SPOP: variants seen among roughly 807,000 people sequenced by gnomAD.
SPOP encodes the protein speckle-type POZ protein.
Under a neutral mutation model 45.6 loss-of-function variants are expected in SPOP, and 11 were observed. That is an observed-to-expected ratio of 0.24 (90% CI 0.15 to 0.40). The LOEUF is 0.40. SPOP is among the 10% of genes least tolerant of loss of function. SPOP has a pLI of 1.00. For missense variants in SPOP, 152 were observed against 465.6 expected (o/e 0.33, Z 6.20); for synonymous variants, 166 against 166.3 (o/e 1.00, Z 0.01).
intron 1 of SPOP, among the ~76,000 whole-genome samples, chr17:49,627,110 A>G (rs934206826): frequency 1.3e-5 from 2 of 152,180 alleles, no homozygotes; most frequent in African/African-American, 2.4e-5. Flanking sequence ...TGGCCTCCCA[A>G]AGTGCTGGGA....
intron 6 of SPOP, 37 bp downstream of exon 6, chr17:49,611,243 A>T: frequency 1.9e-6 from 3 of 1,589,956 alleles, no homozygotes; most frequent in Non-Finnish European, 2.6e-6. Context: ...TCCTTATTTC[A>T]CCAAAACTAT....
At chr17:49,652,378 A>G (rs2072854439) in intron 1 of SPOP, among the ~76,000 whole-genome samples, 1 of 152,214 alleles carries the variant, frequency 6.6e-6, no homozygotes, top group Non-Finnish European at 1.5e-5. Context: ...TCAATCAACC[A>G]TAAAAAATAT....
intron 1 of SPOP, among the ~76,000 whole-genome samples, chr17:49,654,578 A>G (rs2072883205): frequency 6.6e-6 from 1 of 152,054 alleles, no homozygotes; most frequent in African/African-American, 2.4e-5. Flanking sequence ...TGAGCTCAGG[A>G]GCTCCAGACC....
chr17:49,664,265 G>A (rs1191685364), intron 1 of SPOP, among the ~76,000 whole-genome samples: 1 of 152,084 alleles, frequency 6.6e-6, no homozygotes, highest in Non-Finnish European at 1.5e-5. Flanking sequence ...TGTTCTTTCA[G>A]GCCATATTTT....
At position 49,617,358 on chromosome 17, in the gene SPOP, C is replaced by T. The variant is rs544338840; in HGVS notation, c.480+1623G>A. Among the ~76,000 whole-genome samples the T allele has an allele frequency of 3.9e-5, 6 of 152,306 alleles. No individual in the cohort carries two copies. In the South Asian group the frequency reaches 1.2e-3, roughly 32 times the overall value. ...AACATCTAACCTCATGTAAAACCAA[C>T]TAAATTCTCATTTCTTCATTCAGGC... On this transcript the variant is annotated intron_variant, in intron 5 of 9. Coordinates refer to ENST00000504102, the MANE Select transcript of SPOP (RefSeq NM_001007228.2).
intron 1 of SPOP, among the ~76,000 whole-genome samples, chr17:49,632,426 T>C (rs2072468060): frequency 6.6e-6 from 1 of 152,094 alleles, no homozygotes; most frequent in African/African-American, 2.4e-5. Flanking sequence ...ATCCTGGTTA[T>C]AGAAGTACCA....
intron 1 of SPOP, among the ~76,000 whole-genome samples, chr17:49,651,197 A>G (rs74956994): frequency 0.1 from 15,490 of 152,264 alleles, 1,039 homozygotes; most frequent in East Asian, 0.29. Flanking sequence ...TTGGAATAGC[A>G]CAAGAAAGAT....
intron 1 of SPOP, among the ~76,000 whole-genome samples, chr17:49,675,007 T>A (rs970582054): frequency 6.6e-6 from 1 of 152,136 alleles, no homozygotes; most frequent in African/African-American, 2.4e-5. Flanking sequence ...TGATCAAAAA[T>A]TTTGATAATA....
At chr17:49,655,293 C>T (rs566882302) in intron 1 of SPOP, among the ~76,000 whole-genome samples, 5 of 152,188 alleles carry the variant, frequency 3.3e-5, no homozygotes, top group African/African-American at 7.2e-5. Flanking sequence ...GGGTGTATCA[C>T]GAGGTCAGGA....
At chr17:49,654,832 T>G (rs958375055) in intron 1 of SPOP, among the ~76,000 whole-genome samples, 1 of 152,178 alleles carries the variant, frequency 6.6e-6, no homozygotes, top group African/African-American at 2.4e-5. Flanking sequence ...CTGGTTTATT[T>G]TGTCAACTGT....
chr17:49,669,922 A>AT (rs35321066), intron 1 of SPOP, among the ~76,000 whole-genome samples: 12,116 of 152,172 alleles, frequency 0.08, 627 homozygotes, highest in East Asian at 0.28. Flanking sequence ...TCACACATAC[A>AT]TTTTTCCTCT....
chr17:49,616,527 G>C (rs2072090153), intron 5 of SPOP, among the ~76,000 whole-genome samples: 1 of 152,082 alleles, frequency 6.6e-6, no homozygotes, highest in African/African-American at 2.4e-5. Context: ...TGATAGAAGG[G>C]AAACAACAGG....
intron 1 of SPOP, among the ~76,000 whole-genome samples, chr17:49,637,251 A>T (rs2143409490): frequency 6.6e-6 from 1 of 152,128 alleles, no homozygotes; most frequent in East Asian, 1.9e-4. Flanking sequence ...CAAACAAAAA[A>T]ATTACCATTC....
chr17:49,647,656 T>C (rs374406496), intron 1 of SPOP, among the ~76,000 whole-genome samples: 3 of 152,056 alleles, frequency 2.0e-5, no homozygotes, highest in Admixed American at 2.0e-4. Flanking sequence ...AATTTCTGTA[T>C]TTTTAGCAGA....
At position 49,619,089 on chromosome 17, in the gene SPOP, C is replaced by T. The variant is rs367994374; in HGVS notation, c.372G>A (p.Arg124=). The T allele has an allele frequency of 1.2e-6, 2 of 1,613,948 alleles. No homozygotes were observed. Among genetic ancestry groups the T allele is most frequent in the African/African-American group, 1.3e-5 (1 of 74,880 alleles). ...ATCCCCAGTCTTTGCCTTGCACAAA[C>T]CTATATGCCCGTTGACTCTCTGGGG... ...TKAMESQRAY[R]FVQGKDWGFK... Residue 124 remains arginine, a synonymous_variant, in exon 5 of 10, where the codon AGG becomes AGA. Coordinates refer to ENST00000504102, the MANE Select transcript of SPOP (RefSeq NM_001007228.2). This position sits in a 1 kb window ranked among gnomAD's most constrained non-coding sequence, Gnocchi z 4.9.
intron 1 of SPOP, among the ~76,000 whole-genome samples, chr17:49,637,412 G>C (rs1309243123): frequency 6.6e-6 from 1 of 152,034 alleles, no homozygotes; most frequent in Non-Finnish European, 1.5e-5. Flanking sequence ...GTGCAGTGGA[G>C]CGATCTCAGC....
rs139293291 is a variant in SPOP, at chr17:49,663,176, G to A, written c.-67+14757C>T. Among the ~76,000 whole-genome samples, 20 of 152,308 alleles carry A rather than the reference G, an allele frequency of 1.3e-4. No homozygotes were observed. The East Asian group carries it at 3.9e-3, about 29-fold the overall frequency. On this transcript the variant is annotated intron_variant, in intron 1 of 9. Coordinates refer to ENST00000504102, the MANE Select transcript of SPOP (RefSeq NM_001007228.2). The stretch of plus-strand genomic sequence containing the variant: ...GGTGGACGGGCGAGCAAGCATTACT[G>A]CCTGAGCTGTGCCTCCTGTGAGATC...
chr17:49,665,105 T>C (rs530725659), intron 1 of SPOP, among the ~76,000 whole-genome samples: 1 of 152,302 alleles, frequency 6.6e-6, no homozygotes, highest in South Asian at 2.1e-4. Flanking sequence ...GGTATCCTTA[T>C]ACAAGACACC....
intron 1 of SPOP, among the ~76,000 whole-genome samples, chr17:49,647,597 C>T (rs1163457727): frequency 5.3e-5 from 8 of 152,110 alleles, no homozygotes; most frequent in African/African-American, 1.9e-4. Context: ...TCTCCTGCCT[C>T]AGCCTCCCGA....
Sources: allele counts gnomAD v4.1 joint callset (sites outside exome capture counted in the v4.1 genomes callset), GRCh38; gene constraint gnomAD v4.1.1; non-coding constraint Gnocchi (gnomAD v3.1); transcripts MANE v1.5; gene names NCBI Gene and HGNC (gene_info 2026-07-23, HGNC 2026-07-21).